DLG5: variants seen among roughly 807,000 people sequenced by gnomAD.
The protein encoded by DLG5 is disks large homolog 5.
In DLG5, 48 loss-of-function variants were observed where a neutral mutation model predicts 189.8. The observed-to-expected ratio is 0.25, with a 90% CI of 0.20 to 0.32. The LOEUF (loss-of-function observed/expected upper bound fraction) is 0.32, where lower values mean the gene tolerates loss of function less well. Ranked by LOEUF, DLG5 falls within the 10% of genes least tolerant of loss-of-function variation. The pLI, the probability that DLG5 is intolerant of heterozygous loss-of-function variation, is 1.00. For synonymous variants in DLG5, 1,016 were observed against 1,054.1 expected, an observed-to-expected ratio of 0.96 and a Z score of 0.70; for missense variants, 2,160 against 2,544.7, an observed-to-expected ratio of 0.85 and a Z score of 3.25.
chr10:77,811,123 G>C lies in DLG5; in HGVS notation c.4434C>G (p.Ser1478Arg), dbSNP rs1380550844. 6.2e-7 allele frequency: 1 copy of C among 1,612,086 alleles called. No homozygotes were observed. Among genetic ancestry groups the C allele is most frequent in the Non-Finnish European group, 8.5e-7 (1 of 1,180,000 alleles). The part of the protein sequence containing the change: ...DPLMEQDEGP[S>R]TPPAKQSSSR... ...AGCTGCTCTGCTTGGCTGGGGGGGT[G>C]CTAGGCCCCTCGTCCTGCTCCATCA... The change falls in exon 23 of 32, where the codon AGC becomes AGG. Residue 1478 changes from serine to arginine, a missense_variant. This residue lies in a region of DLG5 where 574 missense variants were observed against 644.2 expected (regional missense o/e 0.89). Transcript: ENST00000372391.
chr10:77,846,953 G>A (rs890760488), intron 5 of DLG5, among the ~76,000 whole-genome samples: 5 of 152,102 alleles, frequency 3.3e-5, no homozygotes, highest in African/African-American at 4.8e-5. Flanking sequence ...GTGGTAGCCC[G>A]CAGAGCCCAC....
chr10:77,811,662 G>A (rs1006249463), intron 22 of DLG5, among the ~76,000 whole-genome samples: 3 of 152,062 alleles, frequency 2.0e-5, no homozygotes, highest in Admixed American at 6.6e-5. Flanking sequence ...ATCCACCCCC[G>A]GGGCCACAAC....
Position 77,835,732 on chromosome 10 carries a change from C to T in DLG5, c.1622+6G>A. 6.2e-7 allele frequency: 1 copy of T among 1,607,526 alleles called. No homozygotes were observed. The highest frequency in any genetic ancestry group is 8.5e-7 in the Non-Finnish European group (1 of 1,178,160). On this transcript the variant is annotated splice_donor_region_variant and intron_variant, in intron 8 of 31. Transcript: ENST00000372391. Reference sequence around the variant, plus strand: ...AAGCCCACGCCAGCTTGAGGTCACCCCATACCGGATGCTGTCACGCTCTGC... The same window carrying T: ...AAGCCCACGCCAGCTTGAGGTCACCTCATACCGGATGCTGTCACGCTCTGC...
chr10:77,794,746 C>G, intron 30 of DLG5, 103 bp downstream of exon 30: 1 of 844,606 alleles, frequency 1.2e-6, no homozygotes, highest in African/African-American at 1.7e-5. Context: ...AGGCCCATCT[C>G]TCATTCCTCA....
intron 1 of DLG5, among the ~76,000 whole-genome samples, chr10:77,880,308 G>T (rs1845237824): frequency 6.6e-6 from 1 of 152,134 alleles, no homozygotes; most frequent in African/African-American, 2.4e-5. Flanking sequence ...ACAAAAATTA[G>T]CCGGCCATGG....
intron 7 of DLG5, among the ~76,000 whole-genome samples, chr10:77,839,714 G>C (rs1843327104): frequency 6.6e-6 from 1 of 152,200 alleles, no homozygotes; most frequent in Admixed American, 6.5e-5. Flanking sequence ...ATGTGAACAT[G>C]AGTTCACGGT....
At chr10:77,902,902 T>C (rs1456244416) in intron 1 of DLG5, among the ~76,000 whole-genome samples, 33 of 148,580 alleles carry the variant, frequency 2.2e-4, no homozygotes, top group Admixed American at 2.0e-3. Flanking sequence ...AATAAATAAA[T>C]AAACGAGCCA....
At chr10:77,892,875 G>A (rs939553144) in intron 1 of DLG5, among the ~76,000 whole-genome samples, 4 of 152,206 alleles carry the variant, frequency 2.6e-5, no homozygotes, top group African/African-American at 7.2e-5. Flanking sequence ...CCAGAGAGGC[G>A]GCCACCAGCC....
chr10:77,893,536 C>A (rs899701704), intron 1 of DLG5, among the ~76,000 whole-genome samples: 27 of 152,224 alleles, frequency 1.8e-4, no homozygotes, highest in African/African-American at 4.6e-4. Context: ...TCCAGGAGTC[C>A]CTGCCCGCCC....
At chr10:77,939,545 C>G in the DLG5 span, among the ~76,000 whole-genome samples, 3 of 152,342 alleles carry the variant, frequency 2.0e-5, no homozygotes, top group Admixed American at 2.0e-4. Context: ...CACCATTCCA[C>G]ACTGAGGCTC....
intron 27 of DLG5, among the ~76,000 whole-genome samples, chr10:77,797,976 C>T (rs1247105475): frequency 6.6e-6 from 1 of 152,092 alleles, no homozygotes; most frequent in Non-Finnish European, 1.5e-5. Flanking sequence ...CGCTTGAGGT[C>T]AAGAGTTTGA....
At chr10:77,926,919 C>A, upstream of DLG5, 2 of 352,738 alleles carry the variant, frequency 5.7e-6, no homozygotes, top group Non-Finnish European at 5.8e-6. This position sits in a 1 kb window ranked among gnomAD's most constrained non-coding sequence, Gnocchi z 5.2. Context: ...GAAAGCCGGG[C>A]CGCGCGCCGC....
chr10:77,857,002 G>T, intron 2 of DLG5, 110 bp from the exon 3 acceptor site: 1 of 1,014,870 alleles, frequency 9.9e-7, no homozygotes, highest in Non-Finnish European at 1.4e-6. Context: ...CCAACAAGTG[G>T]GTCCTCTTAG....
At chr10:77,839,400 C>T (rs1843309990) in intron 7 of DLG5, among the ~76,000 whole-genome samples, 1 of 152,092 alleles carries the variant, frequency 6.6e-6, no homozygotes, top group Non-Finnish European at 1.5e-5. Context: ...ACTCAGGAGG[C>T]TGAGGCAAGA....
At position 77,907,072 on chromosome 10, in the gene DLG5, CTAAAGGTTGCTA is replaced by C. The variant is rs573010334; in HGVS notation, c.304+19133_304+19144del. ...TGAGTACTAGCAAGGTCAAGTTGCTCTAAAGGTTGCTAAACACTCAATCTCTGTGCTTGCTTA... is the reference window on the plus strand; with the variant it reads ...TGAGTACTAGCAAGGTCAAGTTGCTCAACACTCAATCTCTGTGCTTGCTTA... On this transcript the variant is annotated intron_variant, in intron 1 of 31. Transcript: ENST00000372391. Among the ~76,000 whole-genome samples, 742 of 152,274 alleles carry C rather than the reference CTAAAGGTTGCTA, an allele frequency of 4.9e-3. 2 individuals are homozygous for C. The highest frequency in any genetic ancestry group is 7.6e-3 in the Non-Finnish European group (520 of 68,024).
intron 20 of DLG5, among the ~76,000 whole-genome samples, chr10:77,815,520 C>T (rs1263956143): frequency 3.3e-5 from 5 of 152,056 alleles, no homozygotes; most frequent in East Asian, 1.9e-4. Flanking sequence ...ATTAGCCAGG[C>T]GTGGTGGTGG....
intron 20 of DLG5, among the ~76,000 whole-genome samples, chr10:77,814,611 G>A (rs1472332628): frequency 6.6e-6 from 1 of 151,338 alleles, no homozygotes; most frequent in Non-Finnish European, 1.5e-5. Context: ...GTCTCGCTCT[G>A]TCACCCAGGC....
At chr10:77,817,744 C>G (rs1369773402) in intron 18 of DLG5, 33 bp downstream of exon 18, 5 of 1,533,174 alleles carry the variant, frequency 3.3e-6, no homozygotes, top group Non-Finnish European at 4.4e-6. Context: ...GCTTGGCACC[C>G]TCTGCAGCAC....
Position 77,834,006 on chromosome 10 carries a change from G to T in DLG5, c.1656C>A (p.Asp552Glu). 6.2e-7 allele frequency: 1 copy of T among 1,609,380 alleles called. No homozygotes were observed. Among genetic ancestry groups the T allele is most frequent in the Non-Finnish European group, 8.5e-7 (1 of 1,179,898 alleles). Residue 552 changes from aspartate to glutamate, a missense_variant, in exon 9 of 32, where the codon GAC (aspartate) becomes GAA (glutamate). Transcript: ENST00000372391. ...TLCDNLRRER[D>E]RAVSELAEAL... ...CCTCAGCCAGCTCGCTCACCGCACG[G>T]TCCCGCTCCCGCCTCAGGTTGTCAC...
Sources: allele counts gnomAD v4.1 joint callset (sites outside exome capture counted in the v4.1 genomes callset), GRCh38; gene constraint gnomAD v4.1.1; regional missense constraint gnomAD v4.1.1; non-coding constraint Gnocchi (gnomAD v3.1); transcripts MANE v1.5; gene names NCBI Gene and HGNC (gene_info 2026-07-23, HGNC 2026-07-21).